TENM2: variants seen among roughly 807,000 people sequenced by gnomAD.
TENM2 encodes the protein teneurin-2.
A neutral mutation model predicts 245.2 loss-of-function variants in TENM2; 52 were observed. That is an observed-to-expected ratio of 0.21 (90% CI 0.17 to 0.27). The LOEUF is 0.27. Among genes scored for constraint, TENM2 ranks in the 10% least tolerant of loss-of-function variants. The pLI, the probability that TENM2 is intolerant of heterozygous loss-of-function variation, is 1.00. For missense variants in TENM2, 3,046 were observed against 3,666.8 expected (o/e 0.83, Z 4.37); for synonymous variants, 1,363 against 1,438.9 (o/e 0.95, Z 1.19).
the TENM2 span, among the ~76,000 whole-genome samples, chr5:167,029,236 T>C: frequency 6.6e-6 from 1 of 152,230 alleles, no homozygotes; most frequent in African/African-American, 2.4e-5. Context: ...TATAGGAAGC[T>C]GAGCTGAAGT....
At chr5:168,060,227 GAAAAAAAAAAAA>G (rs79503783) in intron 6 of TENM2, among the ~76,000 whole-genome samples, 4 of 119,650 alleles carry the variant, frequency 3.3e-5, no homozygotes, top group Non-Finnish European at 7.1e-5. Context: ...TTGTCTCTAC[GAAAAAAAAAAAA>G]AAAGAAAAAA....
Position 167,768,450 on chromosome 5 carries a change from A to C in TENM2, c.503-107536A>C, listed in dbSNP as rs1326261867. ...AACGTTTGTTATGTGCAAACACTCC[A>C]TATAAGACTTAACGATCTACGAAAG... On this transcript the variant is annotated intron_variant, in intron 2 of 28. Coordinates refer to ENST00000518659, the Ensembl canonical transcript of TENM2. Among the ~76,000 whole-genome samples the C allele has an allele frequency of 2.0e-5, 3 of 152,360 alleles. No homozygotes were observed. In the East Asian group the frequency reaches 5.8e-4, roughly 29 times the overall value.
chr5:167,246,434 A>G, the TENM2 span, among the ~76,000 whole-genome samples: 3 of 152,066 alleles, frequency 2.0e-5, no homozygotes, highest in South Asian at 6.2e-4. Flanking sequence ...ATATGTCTGT[A>G]TATATGTATA....
chr5:167,511,846 T>C (rs1439134467), intron 2 of TENM2, among the ~76,000 whole-genome samples: 1 of 152,214 alleles, frequency 6.6e-6, no homozygotes, highest in African/African-American at 2.4e-5. Flanking sequence ...AGATTCCTCA[T>C]TTTGTGTCAC....
At chr5:167,408,324 C>T (rs527538861) in intron 2 of TENM2, among the ~76,000 whole-genome samples, 1 of 152,168 alleles carries the variant, frequency 6.6e-6, no homozygotes, top group African/African-American at 2.4e-5. Flanking sequence ...ATATATATGT[C>T]TAACTCACCT....
At chr5:167,522,241 G>T (rs1189254276) in intron 2 of TENM2, among the ~76,000 whole-genome samples, 1 of 152,182 alleles carries the variant, frequency 6.6e-6, no homozygotes, top group African/African-American at 2.4e-5. Context: ...CCTATTTGGA[G>T]ATGGAGTTAC....
At chr5:168,123,330 A>AT (rs1452868821) in intron 10 of TENM2, among the ~76,000 whole-genome samples, 2 of 152,124 alleles carry the variant, frequency 1.3e-5, no homozygotes, top group African/African-American at 4.8e-5. Context: ...AAAAGGCATT[A>AT]TTTTGTGCCC....
chr5:167,563,068 T>C (rs1773699873), intron 2 of TENM2, among the ~76,000 whole-genome samples: 1 of 152,096 alleles, frequency 6.6e-6, no homozygotes, highest in South Asian at 2.1e-4. Context: ...GCCTAGGTAC[T>C]GTAGCAATGT....
intron 2 of TENM2, among the ~76,000 whole-genome samples, chr5:167,419,370 G>T (rs1366764611): frequency 1.3e-5 from 2 of 152,196 alleles, no homozygotes; most frequent in African/African-American, 2.4e-5. Context: ...GCTGAGGCAG[G>T]AGAATGGCTG....
At chr5:167,999,384 T>G (rs1411112408) in intron 5 of TENM2, among the ~76,000 whole-genome samples, 1 of 152,250 alleles carries the variant, frequency 6.6e-6, no homozygotes, top group African/African-American at 2.4e-5. Context: ...AGCAGACTTC[T>G]TATCTAATAG....
intron 23 of TENM2, among the ~76,000 whole-genome samples, chr5:168,222,563 C>G (rs186537933): frequency 6.6e-6 from 1 of 152,206 alleles, no homozygotes; most frequent in Non-Finnish European, 1.5e-5. Flanking sequence ...TCTCTCTCCT[C>G]TTTGTCCTGG....
chr5:167,071,878 G>GCCCCCCCCCCCCCCCCCACCCC, the TENM2 span, among the ~76,000 whole-genome samples: 1 of 124,026 alleles, frequency 8.1e-6, no homozygotes, highest in Non-Finnish European at 1.7e-5. Flanking sequence ...TTGACAAATC[G>GCCCCCCCCCCCCCCCCCACCCC]CCCCCCCCCG....
chr5:168,033,060 A>T, intron 5 of TENM2: 1 of 152,342 alleles, frequency 6.6e-6, no homozygotes, highest in East Asian at 1.9e-4. Context: ...TTTTTAAAAA[A>T]TAGATTGCTA....
At chr5:167,753,105 A>T (rs192795032) in intron 2 of TENM2, among the ~76,000 whole-genome samples, 2 of 152,312 alleles carry the variant, frequency 1.3e-5, no homozygotes, top group African/African-American at 4.8e-5. Context: ...TTGCATTCTT[A>T]GACCACACCC....
intron 2 of TENM2, among the ~76,000 whole-genome samples, chr5:167,580,996 CA>C (rs1334529998): frequency 6.6e-6 from 1 of 151,732 alleles, no homozygotes. Flanking sequence ...CTCAAAAAAT[CA>C]AAAAAACGGG....
chr5:168,110,196 T>C (rs1794573870), intron 9 of TENM2, among the ~76,000 whole-genome samples: 1 of 151,898 alleles, frequency 6.6e-6, no homozygotes, highest in Non-Finnish European at 1.5e-5. Flanking sequence ...TGCTGGGAAA[T>C]AAACCAGTCT....
chr5:168,003,340 C>G (rs954913533), intron 5 of TENM2, among the ~76,000 whole-genome samples: 2 of 126,798 alleles, frequency 1.6e-5, no homozygotes, highest in Non-Finnish European at 3.2e-5. Context: ...CACACACACA[C>G]ACACACCCCC....
chr5:167,759,178 C>A (rs1202790664), intron 2 of TENM2, among the ~76,000 whole-genome samples: 1 of 149,068 alleles, frequency 6.7e-6, no homozygotes, highest in Non-Finnish European at 1.5e-5. Flanking sequence ...GTTCAAATCC[C>A]AGTTCTGACA....
chr5:167,368,657 C>G (rs1439316189), intron 1 of TENM2, among the ~76,000 whole-genome samples: 3 of 152,072 alleles, frequency 2.0e-5, no homozygotes, highest in Non-Finnish European at 2.9e-5. Context: ...TAGTGGGATA[C>G]TGTGTCTTGA....
Sources: gnomAD v4.1 joint callset for allele counts (sites outside exome capture counted in the v4.1 genomes callset) on GRCh38, gnomAD v4.1.1 for gene constraint, MANE v1.5 for transcripts, NCBI Gene and HGNC (gene_info 2026-07-23, HGNC 2026-07-21) for gene names.